The following KDM2B variants were observed in gnomAD, a reference collection of about 807,000 sequenced individuals.
KDM2B encodes the protein lysine demethylase 2B.
A neutral mutation model predicts 150.0 loss-of-function variants in KDM2B; 26 were observed. The ratio of observed to expected loss-of-function variants is 0.17; its 90% CI spans 0.13 to 0.24. The LOEUF (loss-of-function observed/expected upper bound fraction) is 0.24, where lower values mean the gene tolerates loss of function less well. KDM2B is among the 10% of genes least tolerant of loss of function. The pLI is 1.00. For missense variants in KDM2B, 1,265 were observed against 1,816.9 expected, an observed-to-expected ratio of 0.70 and a Z score of 5.52; for synonymous variants, 734 against 729.5, an observed-to-expected ratio of 1.01 and a Z score of -0.10.
intron 12 of KDM2B, among the ~76,000 whole-genome samples, chr12:121,487,172 G>GGAAA (rs1222093062): frequency 6.6e-6 from 1 of 151,882 alleles, no homozygotes; most frequent in East Asian, 1.9e-4. Flanking sequence ...AACAAAAGAA[G>GGAAA]GAAAGAAAGA....
Position 121,520,634 on chromosome 12 carries a change from C to T in KDM2B, c.1047+351G>A, listed in dbSNP as rs185498250. ...TCCACACCCATCCTCCAAACAACAG[C>T]GACCAAATCCCCCTAATCCCTCACA... On this transcript the variant is annotated intron_variant, in intron 9 of 22. Transcript: ENST00000377071. The surrounding 1 kb of genome is among the most constrained non-coding windows in gnomAD (Gnocchi z 4.5). 1.5e-3 allele frequency among the ~76,000 whole-genome samples: 226 copies of T among 152,230 alleles called. 1 individual carries two copies. The highest frequency in any genetic ancestry group is 4.1e-3 in the Admixed American group (62 of 15,292).
At chr12:121,498,646 G>C (rs1160902857) in intron 11 of KDM2B, among the ~76,000 whole-genome samples, 1 of 151,960 alleles carries the variant, frequency 6.6e-6, no homozygotes, top group African/African-American at 2.4e-5. Flanking sequence ...TGTTTTCTTT[G>C]AGTTTCCTTC....
At chr12:121,545,724 G>C (rs1888984780) in intron 6 of KDM2B, among the ~76,000 whole-genome samples, 1 of 152,164 alleles carries the variant, frequency 6.6e-6, no homozygotes, top group African/African-American at 2.4e-5. Context: ...AAGAGGACCT[G>C]CAGAATGCAA....
chr12:121,446,518 G>A lies in KDM2B; in HGVS notation c.1960-1100C>T, dbSNP rs562301188. On this transcript the variant is annotated intron_variant, in intron 13 of 22. Transcript: ENST00000377071. ...TGCTTTGTGACAATAAGAAGTATGC[G>A]TAAAGTGCCTCGGCACACAGGTGAC... Among the ~76,000 whole-genome samples the A allele has an allele frequency of 7.9e-5, 12 of 152,324 alleles. 1 individual carries two copies. The South Asian group carries it at 2.5e-3, about 32-fold the overall frequency.
intron 12 of KDM2B, among the ~76,000 whole-genome samples, chr12:121,471,545 C>G (rs1880772865): frequency 6.6e-6 from 1 of 152,132 alleles, no homozygotes; most frequent in South Asian, 2.1e-4. Flanking sequence ...GGAGGGAAAA[C>G]AGGAAGACGA....
chr12:121,443,806 G>T lies in KDM2B; in HGVS notation c.2452-13C>A. ...GAAGCGATGAGGCCTAAAGGGGGGT[G>T]GAGTGGGAAGAGGAGTGACTCGCTG... On this transcript the variant is annotated splice_polypyrimidine_tract_variant and intron_variant, in intron 16 of 22. Coordinates refer to ENST00000377071, the MANE Select transcript of KDM2B (RefSeq NM_032590.5). 1 of 1,519,806 alleles carries T rather than the reference G, an allele frequency of 6.6e-7. No homozygotes were observed. The highest frequency in any genetic ancestry group is 9.0e-7 in the Non-Finnish European group (1 of 1,111,784). 94.1% of individuals were successfully genotyped at this position (1,519,806 alleles called of 1,614,324 possible). A position where few individuals can be genotyped will look rare whatever the true frequency, so the allele number is the denominator to read the frequency against.
chr12:121,436,603 G>A (rs1566252813), intron 22 of KDM2B, among the ~76,000 whole-genome samples: 2 of 152,108 alleles, frequency 1.3e-5, no homozygotes, highest in Non-Finnish European at 1.5e-5. Context: ...TGGAAATGAG[G>A]AGGGAAGACA....
At chr12:121,529,871 A>G (rs1887483646) in intron 8 of KDM2B, among the ~76,000 whole-genome samples, 1 of 149,920 alleles carries the variant, frequency 6.7e-6, no homozygotes, top group Non-Finnish European at 1.5e-5. Flanking sequence ...CGGAGGTTGC[A>G]GTGAGCCAAG....
intron 12 of KDM2B, among the ~76,000 whole-genome samples, chr12:121,457,417 A>C (rs1555293000): frequency 6.6e-6 from 1 of 151,916 alleles, no homozygotes; most frequent in Non-Finnish European, 1.5e-5. Context: ...GTGCGCCACC[A>C]AGCCCAGCTA....
chr12:121,442,780 C>T lies in KDM2B; in HGVS notation c.2661G>A (p.Arg887=). Residue 887 remains arginine (R), a synonymous_variant, in exon 19 of 23, where the codon CGG becomes CGA. Transcript: ENST00000377071. The surrounding 1 kb of genome is among the most constrained non-coding windows in gnomAD (Gnocchi z 7.7). ...CGTCCTCGGGTTCCTGCTTGAAGCGCCGGAGGGGCTTGTTGGCCAGCGCCA... is the reference window on the plus strand; with the variant it reads ...CGTCCTCGGGTTCCTGCTTGAAGCGTCGGAGGGGCTTGTTGGCCAGCGCCA... The part of the protein sequence containing the change: ...DRMALANKPL[R]RFKQEPEDEL... 1 of 1,542,526 alleles carries T rather than the reference C, an allele frequency of 6.5e-7. No homozygotes were observed. The highest frequency in any genetic ancestry group is 1.3e-5 in the South Asian group (1 of 78,230).
intron 4 of KDM2B, among the ~76,000 whole-genome samples, chr12:121,559,151 G>A (rs781922956): frequency 6.6e-6 from 1 of 152,236 alleles, no homozygotes; most frequent in African/African-American, 2.4e-5. Context: ...CTCAGACCAG[G>A]GAAGGGCTGT....
In KDM2B at chr12:121,521,175, G is replaced by A; in HGVS notation, c.932-75C>T. 1 of 1,036,496 alleles carries A rather than the reference G, an allele frequency of 9.6e-7. No individual in the cohort carries two copies. Among genetic ancestry groups the A allele is most frequent in the South Asian group, 1.3e-5 (1 of 76,676 alleles). The allele number at this position is 1,036,496 out of a possible 1,614,324, so 64.2% of individuals were successfully genotyped here. The stretch of plus-strand genomic sequence containing the variant: ...CCCACACCTCACAAGGCTGCAGGGA[G>A]GGAGAGCGAGCGTGCAGGAGGGTGC... On this transcript the variant is annotated intron_variant, in intron 8 of 22. Transcript: ENST00000377071. The surrounding 1 kb of genome is among the most constrained non-coding windows in gnomAD (Gnocchi z 4.9).
chr12:121,579,684 G>T (rs1594174633), intron 1 of KDM2B: 2 of 1,046,054 alleles, frequency 1.9e-6, no homozygotes, highest in African/African-American at 5.2e-5. Flanking sequence ...ACCACTCCCC[G>T]CATCCCCCTG....
rs187134381 is a variant in KDM2B, at chr12:121,492,440, T to C, written c.1734+2139A>G. On this transcript the variant is annotated intron_variant, in intron 12 of 22. Transcript: ENST00000377071. ...CTCTTGCCTCAGCCTCCTGAGTAGCTGGGATTACAGGCGCGTGCCACCATG... is the reference window on the plus strand; with the variant it reads ...CTCTTGCCTCAGCCTCCTGAGTAGCCGGGATTACAGGCGCGTGCCACCATG... Among the ~76,000 whole-genome samples the C allele has an allele frequency of 8.7e-3, 1,311 of 151,408 alleles. 20 individuals carry two copies. Among genetic ancestry groups the C allele is most frequent in the African/African-American group, 0.03 (1,234 of 41,380 alleles).
At chr12:121,417,019 G>C in the KDM2B span, among the ~76,000 whole-genome samples, 80 of 152,230 alleles carry the variant, frequency 5.3e-4, no homozygotes, top group African/African-American at 1.9e-3. The surrounding 1 kb of genome is among the most constrained non-coding windows in gnomAD (Gnocchi z 5.0). Context: ...TGATTAGGCT[G>C]TGTAGTTTAC....
chr12:121,454,310 T>A (rs1272691541), intron 12 of KDM2B, among the ~76,000 whole-genome samples: 1 of 152,196 alleles, frequency 6.6e-6, no homozygotes, highest in African/African-American at 2.4e-5. Context: ...GATGGGATAG[T>A]AACCTTTAGG....
intron 6 of KDM2B, among the ~76,000 whole-genome samples, chr12:121,535,656 A>G (rs1888028279): frequency 1.3e-5 from 2 of 152,216 alleles, no homozygotes; most frequent in East Asian, 3.8e-4. Context: ...AGGAGGAGGA[A>G]GAACTTGGAC....
chr12:121,487,805 T>C (rs554314264), intron 12 of KDM2B, among the ~76,000 whole-genome samples: 7 of 151,650 alleles, frequency 4.6e-5, no homozygotes, highest in African/African-American at 1.7e-4. Context: ...TTTTTTTTTT[T>C]TTTTTTGAGA....
Position 121,513,135 on chromosome 12 carries a change from C to G in KDM2B, c.1174+141G>C. ...GGGAAACTGGCAAGAATGGCTTCCCCTGAGGGGTTCCTAGGATTCTGCCCA... is the reference window on the plus strand; with the variant it reads ...GGGAAACTGGCAAGAATGGCTTCCCGTGAGGGGTTCCTAGGATTCTGCCCA... On this transcript the variant is annotated intron_variant, in intron 10 of 22. Coordinates refer to ENST00000377071, the MANE Select transcript of KDM2B (RefSeq NM_032590.5). This position sits in a 1 kb window ranked among gnomAD's most constrained non-coding sequence, Gnocchi z 5.0. 1.1e-6 allele frequency: 1 copy of G among 931,534 alleles called. No individual in the cohort carries two copies. Among genetic ancestry groups the G allele is most frequent in the Non-Finnish European group, 1.6e-6 (1 of 629,794 alleles). 57.7% of individuals were successfully genotyped at this position (931,534 alleles called of 1,614,324 possible).
Sources: gnomAD v4.1 joint callset for allele counts (sites outside exome capture counted in the v4.1 genomes callset) on GRCh38, gnomAD v4.1.1 for gene constraint, Gnocchi (gnomAD v3.1) non-coding constraint, MANE v1.5 for transcripts, NCBI Gene and HGNC (gene_info 2026-07-23, HGNC 2026-07-21) for gene names.